Variants in PAX3 observed in about 807,000 individuals in gnomAD.
PAX3 encodes the protein paired box 3, also known as paired box protein Pax-3.
In PAX3, 14 loss-of-function variants were observed where a neutral mutation model predicts 51.6. That is an observed-to-expected ratio of 0.27 (90% CI 0.18 to 0.42). The LOEUF (loss-of-function observed/expected upper bound fraction) is 0.42, where lower values mean the gene tolerates loss of function less well. Ranked by LOEUF, PAX3 falls within the 10% of genes least tolerant of loss-of-function variation. PAX3 has a pLI of 1.00. For synonymous variants in PAX3, 280 were observed against 253.4 expected (o/e 1.11, Z -1.00); for missense variants, 540 against 642.8 (o/e 0.84, Z 1.73).
At chr2:222,239,736 G>A (rs182281574) in intron 4 of PAX3, among the ~76,000 whole-genome samples, 5 of 152,056 alleles carry the variant, frequency 3.3e-5, no homozygotes, top group Non-Finnish European at 1.5e-5. Flanking sequence ...GTGGGGGTGA[G>A]GGGTAGGTAA....
chr2:222,274,476 A>G (rs1246470483), intron 4 of PAX3, among the ~76,000 whole-genome samples: 2 of 151,894 alleles, frequency 1.3e-5, no homozygotes, highest in East Asian at 3.9e-4. Context: ...TTCTTCCTAA[A>G]TGTTCAAATT....
chr2:222,215,663 A>G (rs1462646962), intron 7 of PAX3, among the ~76,000 whole-genome samples: 1 of 152,132 alleles, frequency 6.6e-6, no homozygotes, highest in Non-Finnish European at 1.5e-5. Context: ...TCTTGAGCAT[A>G]TGGTAGTACT....
chr2:222,251,680 G>A (rs1337481434), intron 4 of PAX3, among the ~76,000 whole-genome samples: 2 of 152,030 alleles, frequency 1.3e-5, no homozygotes, highest in African/African-American at 2.4e-5. Context: ...CTGAGGAATC[G>A]CCACACTGAC....
At chr2:222,246,413 C>A (rs1373776736) in intron 4 of PAX3, among the ~76,000 whole-genome samples, 2 of 152,162 alleles carry the variant, frequency 1.3e-5, no homozygotes, top group South Asian at 2.1e-4. Flanking sequence ...GCTTTTTGAG[C>A]AAAATATGTT....
In PAX3 at chr2:222,273,553, C is replaced by T. The variant is rs958128566; in HGVS notation, c.586+20614G>A. On this transcript the variant is annotated intron_variant, in intron 4 of 8. Transcript: ENST00000392070. ...TGTTCGGAGATCATGCCAGTGGTTC[C>T]TGCAAAGCCAATGTATAAAAGCTGT... Among the ~76,000 whole-genome samples the T allele has an allele frequency of 2.6e-5, 4 of 152,138 alleles. No homozygotes were observed. In the East Asian group the frequency reaches 7.7e-4, roughly 29 times the overall value.
At chr2:222,205,671 A>T (rs1044581774) in intron 7 of PAX3, among the ~76,000 whole-genome samples, 1 of 152,206 alleles carries the variant, frequency 6.6e-6, no homozygotes, top group African/African-American at 2.4e-5. Context: ...AAAACTTGAG[A>T]AATATACACC....
At chr2:222,221,532 G>T in intron 5 of PAX3, 145 bp from the exon 6 acceptor site, 1 of 784,898 alleles carries the variant, frequency 1.3e-6, no homozygotes, top group Non-Finnish European at 2.1e-6. Context: ...TGTTGTTTGG[G>T]CGAATTGTCA....
chr2:222,227,067 T>C lies in PAX3; in HGVS notation c.792+5011A>G, dbSNP rs536584904. Among the ~76,000 whole-genome samples, 412 of 152,012 alleles carry C rather than the reference T, an allele frequency of 2.7e-3. 1 individual carries two copies. Among genetic ancestry groups the C allele is most frequent in the African/African-American group, 9.8e-3 (405 of 41,468 alleles). ...TAACCAACCCCATATTTTTTTAAAT[T>C]AAAAAAATTAAAAACCTGAAGTCCA... On this transcript the variant is annotated intron_variant, in intron 5 of 8. Transcript: ENST00000392070.
At chr2:222,203,044 T>TATATATATATATATATATATATATAC (rs1559250419) in intron 7 of PAX3, among the ~76,000 whole-genome samples, 1 of 123,502 alleles carries the variant, frequency 8.1e-6, no homozygotes, top group Non-Finnish European at 1.7e-5. Context: ...TATATATATA[T>TATATATATATATATATATATATATAC]ATATATATAT....
chr2:222,296,172 T>G (rs567149686), intron 2 of PAX3, among the ~76,000 whole-genome samples: 3 of 152,352 alleles, frequency 2.0e-5, no homozygotes, highest in African/African-American at 4.8e-5. Context: ...TAAGAGAGAC[T>G]GACTCTTCTC....
intron 7 of PAX3, among the ~76,000 whole-genome samples, chr2:222,209,696 C>CA (rs546468709): frequency 9.8e-5 from 6 of 61,342 alleles, no homozygotes; most frequent in Non-Finnish European, 9.0e-5. Context: ...TCTGTCTCTA[C>CA]AAAAAAAAAA....
intron 4 of PAX3, among the ~76,000 whole-genome samples, chr2:222,270,354 G>T (rs1169590156): frequency 2.0e-5 from 3 of 152,196 alleles, no homozygotes; most frequent in Non-Finnish European, 4.4e-5. Flanking sequence ...CTCACTGGAT[G>T]CTTTGGTAAA....
chr2:222,257,569 T>C (rs1403186078), intron 4 of PAX3, among the ~76,000 whole-genome samples: 1 of 152,208 alleles, frequency 6.6e-6, no homozygotes, highest in Admixed American at 6.5e-5. Flanking sequence ...CAACCTTCAT[T>C]TTGTGTTGAA....
At chr2:222,259,363 G>A (rs1429229869) in intron 4 of PAX3, among the ~76,000 whole-genome samples, 1 of 152,126 alleles carries the variant, frequency 6.6e-6, no homozygotes, top group East Asian at 1.9e-4. Context: ...CATTGCTTCT[G>A]CCTGTTTTAT....
chr2:222,267,963 C>T (rs1165325470), intron 4 of PAX3, among the ~76,000 whole-genome samples: 4 of 152,128 alleles, frequency 2.6e-5, no homozygotes, highest in Non-Finnish European at 5.9e-5. Context: ...AAATGCAGAG[C>T]AACTGAGTAC....
At chr2:222,291,980 GT>G (rs1185729676) in intron 4 of PAX3, among the ~76,000 whole-genome samples, 2 of 144,638 alleles carry the variant, frequency 1.4e-5, no homozygotes, top group African/African-American at 5.5e-5. Context: ...GTGTGTGTGT[GT>G]GTGTGTGTGT....
At chr2:222,262,269 G>T (rs1004808811) in intron 4 of PAX3, among the ~76,000 whole-genome samples, 1 of 152,110 alleles carries the variant, frequency 6.6e-6, no homozygotes, top group African/African-American at 2.4e-5. Flanking sequence ...GGTGGACTTA[G>T]GGATTATTCC....
chr2:222,207,132 T>A (rs2106044042), intron 7 of PAX3, among the ~76,000 whole-genome samples: 1 of 152,300 alleles, frequency 6.6e-6, no homozygotes, highest in African/African-American at 2.4e-5. Flanking sequence ...CAATCAAAAA[T>A]GTTCAAATGT....
At chr2:222,241,099 C>CTCCA (rs1174093328) in intron 4 of PAX3, among the ~76,000 whole-genome samples, 1 of 152,184 alleles carries the variant, frequency 6.6e-6, no homozygotes, top group Non-Finnish European at 1.5e-5. Context: ...TACAGTAAGG[C>CTCCA]TCCATGTCTC....
Sources: gnomAD v4.1 joint callset for allele counts (sites outside exome capture counted in the v4.1 genomes callset) on GRCh38, gnomAD v4.1.1 for gene constraint, MANE v1.5 for transcripts, NCBI Gene and HGNC (gene_info 2026-07-23, HGNC 2026-07-21) for gene names.